The following MIPOL1 variants were observed in gnomAD, a reference collection of about 807,000 sequenced individuals.
MIPOL1 encodes mirror-image polydactyly gene 1 protein.
In MIPOL1, 57 loss-of-function variants were observed where a neutral mutation model predicts 60.9. The observed-to-expected ratio is 0.94, with a 90% CI of 0.76 to 1.17. MIPOL1 has a LOEUF of 1.17. MIPOL1 is among the 50% of genes most tolerant of loss of function. The pLI is 0.00. For synonymous variants in MIPOL1, 179 were observed against 168.8 expected (o/e 1.06, Z -0.47); for missense variants, 551 against 511.6 (o/e 1.08, Z -0.74).
chr14:37,499,340 AT>A (rs936113130), intron 11 of MIPOL1, among the ~76,000 whole-genome samples: 10 of 152,302 alleles, frequency 6.6e-5, no homozygotes, highest in South Asian at 4.1e-4. Context: ...CCAAAAAAAA[AT>A]ATACACATGT....
At chr14:37,377,556 G>A (rs145105515) in intron 10 of MIPOL1, among the ~76,000 whole-genome samples, 2,740 of 152,048 alleles carry the variant, frequency 0.018, 27 homozygotes, top group Middle Eastern at 0.041. Context: ...ATTCTTTATG[G>A]TTTTCTATTA....
At position 37,326,733 on chromosome 14, in the gene MIPOL1, A is replaced by C. The variant is rs79197862; in HGVS notation, c.828+18214A>C. 8.6e-3 allele frequency among the ~76,000 whole-genome samples: 1,309 copies of C among 152,218 alleles called. 10 individuals carry two copies. The highest frequency in any genetic ancestry group is 0.024 in the Middle Eastern group (7 of 294). The stretch of plus-strand genomic sequence containing the variant: ...TACTGTGTTCATGAGCTCATTGAGG[A>C]GTGATAGGAATGTCTGGGGAAACAG... On this transcript the variant is annotated intron_variant, in intron 9 of 12. Transcript: ENST00000684589.
chr14:37,289,790 G>A (rs1487092579), intron 7 of MIPOL1, among the ~76,000 whole-genome samples: 1 of 152,116 alleles, frequency 6.6e-6, no homozygotes, highest in Non-Finnish European at 1.5e-5. Flanking sequence ...AGAGGTTGGG[G>A]GTTGAAGCTC....
intron 1 of MIPOL1, among the ~76,000 whole-genome samples, chr14:37,202,032 C>T (rs1040804490): frequency 2.0e-5 from 3 of 152,120 alleles, no homozygotes; most frequent in African/African-American, 7.2e-5. Flanking sequence ...ACAGAGTCTA[C>T]CTTTGTTGTC....
chr14:37,499,832 G>T, intron 11 of MIPOL1, 76 bp from the exon 12 acceptor site: 1 of 628,126 alleles, frequency 1.6e-6, no homozygotes, highest in East Asian at 2.9e-5. Context: ...ATTCTAAATG[G>T]AGGTTTTTGT....
chr14:37,442,361 G>C (rs1005895140), intron 11 of MIPOL1, among the ~76,000 whole-genome samples: 1 of 151,932 alleles, frequency 6.6e-6, no homozygotes, highest in African/African-American at 2.4e-5. Flanking sequence ...AATGTCTTTT[G>C]TTTCTTTCTC....
chr14:37,244,104 C>CTT (rs143933758), intron 1 of MIPOL1, among the ~76,000 whole-genome samples: 1,310 of 51,618 alleles, frequency 0.025, 539 homozygotes, highest in Non-Finnish European at 0.032. Flanking sequence ...GACTCACTTC[C>CTT]TTTTTTTTTT....
intron 11 of MIPOL1, among the ~76,000 whole-genome samples, chr14:37,473,632 A>C (rs2094722418): frequency 1.3e-5 from 2 of 152,206 alleles, no homozygotes; most frequent in Non-Finnish European, 2.9e-5. Flanking sequence ...GAAGTAGCAC[A>C]GAGTTCCCAC....
chr14:37,365,613 A>G (rs2092445724), intron 9 of MIPOL1, among the ~76,000 whole-genome samples: 1 of 151,716 alleles, frequency 6.6e-6, no homozygotes, highest in Admixed American at 6.7e-5. Flanking sequence ...GTTTGCTAGT[A>G]TTTTGTTGAG....
intron 1 of MIPOL1, among the ~76,000 whole-genome samples, chr14:37,226,045 C>A (rs963999634): frequency 3.3e-5 from 5 of 152,194 alleles, no homozygotes; most frequent in African/African-American, 1.2e-4. Flanking sequence ...TTTCTCATTT[C>A]CATCTGAGAC....
intron 10 of MIPOL1, among the ~76,000 whole-genome samples, chr14:37,378,297 G>C (rs1438529708): frequency 6.6e-6 from 1 of 151,874 alleles, no homozygotes; most frequent in Non-Finnish European, 1.5e-5. Flanking sequence ...AAATTTAGTA[G>C]GTCAACAGAT....
At chr14:37,510,063 A>G (rs1594798604) in intron 12 of MIPOL1, among the ~76,000 whole-genome samples, 1 of 151,908 alleles carries the variant, frequency 6.6e-6, no homozygotes, top group African/African-American at 2.4e-5. Context: ...TATAGTCTGT[A>G]TACATATAGA....
intron 3 of MIPOL1, among the ~76,000 whole-genome samples, chr14:37,250,995 A>T (rs1454219190): frequency 6.6e-6 from 1 of 152,144 alleles, no homozygotes; most frequent in Non-Finnish European, 1.5e-5. Context: ...CATTTTGGAA[A>T]ATGGAAAGCT....
At chr14:37,478,747 A>G (rs955330165) in intron 11 of MIPOL1, among the ~76,000 whole-genome samples, 3 of 152,178 alleles carry the variant, frequency 2.0e-5, no homozygotes, top group Non-Finnish European at 4.4e-5. Flanking sequence ...GGATACCAAA[A>G]GATAGCGGGG....
intron 9 of MIPOL1, among the ~76,000 whole-genome samples, chr14:37,365,942 G>A (rs919521800): frequency 6.6e-6 from 1 of 152,002 alleles, no homozygotes; most frequent in Non-Finnish European, 1.5e-5. Context: ...TCAGTAGGTT[G>A]TTTGTGTCTA....
At chr14:37,490,936 A>G (rs758120754) in intron 11 of MIPOL1, among the ~76,000 whole-genome samples, 1 of 152,112 alleles carries the variant, frequency 6.6e-6, no homozygotes, top group East Asian at 1.9e-4. Context: ...TCTTAATTGC[A>G]TCTTCTATTT....
intron 7 of MIPOL1, among the ~76,000 whole-genome samples, chr14:37,296,268 A>G (rs1045606634): frequency 3.9e-5 from 6 of 152,106 alleles, no homozygotes; most frequent in African/African-American, 1.4e-4. Context: ...AGAACAAAGA[A>G]ACAACATACC....
At chr14:37,520,864 A>G (rs2095407839) in intron 12 of MIPOL1, among the ~76,000 whole-genome samples, 1 of 151,636 alleles carries the variant, frequency 6.6e-6, no homozygotes, top group Non-Finnish European at 1.5e-5. Flanking sequence ...TTAAAATTTA[A>G]TAACATATTA....
At chr14:37,214,168 C>T (rs1001981906) in intron 1 of MIPOL1, among the ~76,000 whole-genome samples, 1 of 152,138 alleles carries the variant, frequency 6.6e-6, no homozygotes, top group African/African-American at 2.4e-5. Flanking sequence ...AGACAGAAAA[C>T]CACAGAATAC....
Sources: gnomAD v4.1 joint callset for allele counts (sites outside exome capture counted in the v4.1 genomes callset) on GRCh38, gnomAD v4.1.1 for gene constraint, MANE v1.5 for transcripts, NCBI Gene and HGNC (gene_info 2026-07-23, HGNC 2026-07-21) for gene names.